CD40: variants seen among roughly 807,000 people sequenced by gnomAD.
The protein encoded by CD40 is CD40 molecule.
CD40 carries 19 observed loss-of-function variants against 38.5 expected under a neutral mutation model. The ratio of observed to expected loss-of-function variants is 0.49; its 90% confidence interval spans 0.34 to 0.72. CD40 has a LOEUF of 0.72. CD40 is among the 30% of genes least tolerant of loss of function. The pLI is 0.01. For missense variants in CD40, 256 were observed against 344.1 expected (o/e 0.74, Z 2.03); for synonymous variants, 130 against 128.7 (o/e 1.01, Z -0.07).
Position 46,122,010 on chromosome 20 carries a change from C to A in CD40, c.130+112C>A. The A allele has an allele frequency of 9.3e-7, 1 of 1,072,294 alleles. No individual in the cohort carries two copies. The highest frequency in any genetic ancestry group is 1.4e-6 in the Non-Finnish European group (1 of 699,848). 66.4% of individuals were successfully genotyped at this position (1,072,294 alleles called of 1,614,324 possible). A position where few individuals can be genotyped will look rare whatever the true frequency, so the allele number is the denominator to read the frequency against. On this transcript the variant is annotated intron_variant, in intron 2 of 8. Coordinates refer to ENST00000372285, the MANE Select transcript of CD40 (RefSeq NM_001250.6). The surrounding 1 kb of genome is among the most constrained non-coding windows in gnomAD (Gnocchi z 5.0). Reference sequence around the variant, plus strand: ...AATCTGAAACGACCCATTTCCCAGCCCTGCTTCACTGTCAGAATGTTCTGG... The same window carrying A: ...AATCTGAAACGACCCATTTCCCAGCACTGCTTCACTGTCAGAATGTTCTGG...
intron 5 of CD40, 144 bp from the exon 6 acceptor site, chr20:46,126,496 C>A: frequency 1.2e-6 from 1 of 838,592 alleles, no homozygotes; most frequent in Non-Finnish European, 2.0e-6. Flanking sequence ...CAGCATAGGA[C>A]GTTGCACGTG....
chr20:46,125,546 CAAAAAAAAAAAAA>C (rs60475326), intron 5 of CD40, among the ~76,000 whole-genome samples: 4 of 69,434 alleles, frequency 5.8e-5, no homozygotes, highest in African/African-American at 2.4e-4. Context: ...GACTCTGTCT[CAAAAAAAAAAAAA>C]AAAAAAAAAA....
intron 8 of CD40, 44 bp from the exon 9 acceptor site, chr20:46,128,838 G>T (rs752892630): frequency 6.2e-7 from 1 of 1,607,274 alleles, no homozygotes; most frequent in Admixed American, 1.7e-5. Context: ...CAGAGGCACA[G>T]CTGCCCCTGC....
In CD40 at chr20:46,128,152, C is replaced by T. The variant is rs2085472660; in HGVS notation, c.574C>T (p.Leu192=). ...TDVVCGPQDR[L]RALVVIPIIF... is the part of the protein sequence containing the mutation. ...GATTTCTCCAGGTCCCCAGGATCGG[C>T]TGAGAGCCCTGGTGGTGATCCCCAT... Residue 192 remains leucine (L), a synonymous_variant, in exon 7 of 9, where the codon CTG becomes TTG. Transcript: ENST00000372285. 6.2e-7 allele frequency: 1 copy of T among 1,613,662 alleles called. No homozygotes were observed. Among genetic ancestry groups the T allele is most frequent in the African/African-American group, 1.3e-5 (1 of 74,806 alleles).
At chr20:46,128,048 G>A (rs1187268249) in intron 6 of CD40, 90 bp from the exon 7 acceptor site, 4 of 1,610,612 alleles carry the variant, frequency 2.5e-6, no homozygotes, top group African/African-American at 1.3e-5. Flanking sequence ...TCTGACATTG[G>A]AAGATTCTGG....
In CD40 at chr20:46,122,879, C is replaced by T. The variant is rs143913014; in HGVS notation, c.403+123C>T. On this transcript the variant is annotated intron_variant, in intron 4 of 8. Transcript: ENST00000372285. This position sits in a 1 kb window ranked among gnomAD's most constrained non-coding sequence, Gnocchi z 5.0. ...AGGAAGCAGAGGCTCCAACCTATGT[C>T]GGTATCCCCACTGGAGTGAGCTGCA... The T allele has an allele frequency of 5.3e-4, 671 of 1,270,268 alleles. 1 individual carries two copies. The highest frequency in any genetic ancestry group is 5.3e-3 in the African/African-American group (358 of 67,784). The allele number at this position is 1,270,268 out of a possible 1,614,324, so 78.7% of individuals were successfully genotyped here.
intron 6 of CD40, 53 bp downstream of exon 6, chr20:46,126,754 G>A (rs1022749778): frequency 2.5e-6 from 4 of 1,613,702 alleles, no homozygotes; most frequent in Non-Finnish European, 3.4e-6. Flanking sequence ...GGGAACTGAA[G>A]GGGGAGATGA....
chr20:46,128,454 T>A, intron 8 of CD40, 96 bp downstream of exon 8: 3 of 1,355,246 alleles, frequency 2.2e-6, no homozygotes, highest in Non-Finnish European at 3.2e-6. Context: ...TCAGAGTCTG[T>A]CTCTGCAGCC....
chr20:46,128,533 C>T (rs1490000948), intron 8 of CD40, 175 bp downstream of exon 8: 2 of 771,244 alleles, frequency 2.6e-6, no homozygotes, highest in Non-Finnish European at 4.5e-6. Flanking sequence ...AGAGCTCAAT[C>T]CCCCACAGAA....
At chr20:46,126,612 G>T in intron 5 of CD40, 28 bp from the exon 6 acceptor site, 2 of 1,613,898 alleles carry the variant, frequency 1.2e-6, no homozygotes, top group Non-Finnish European at 1.7e-6. Flanking sequence ...CTCTGTGTGT[G>T]TGCATTTGTG....
chr20:46,126,057 T>A lies in CD40; in HGVS notation c.498-583T>A, dbSNP rs1375332360. ...TGGAAGAACCTTAAACCAGAGGTTCTCAACAGGGGGCAGTTTTGCTCCCTG... is the reference window on the plus strand; with the variant it reads ...TGGAAGAACCTTAAACCAGAGGTTCACAACAGGGGGCAGTTTTGCTCCCTG... On this transcript the variant is annotated intron_variant, in intron 5 of 8. Coordinates refer to ENST00000372285, the MANE Select transcript of CD40 (RefSeq NM_001250.6). Among the ~76,000 whole-genome samples the A allele has an allele frequency of 2.0e-5, 3 of 152,196 alleles. No homozygotes were observed. In the East Asian group the frequency reaches 5.8e-4, roughly 29 times the overall value.
At chr20:46,128,742 G>A (rs1367962176) in intron 8 of CD40, 140 bp from the exon 9 acceptor site, 5 of 856,916 alleles carry the variant, frequency 5.8e-6, no homozygotes, top group Admixed American at 4.2e-5. Flanking sequence ...GGGGGCAGGA[G>A]GCACCCGAGG....
chr20:46,123,106 C>G lies in CD40; in HGVS notation c.404-20C>G, dbSNP rs2085352356. The G allele has an allele frequency of 1.3e-6, 2 of 1,589,900 alleles. No individual in the cohort carries two copies. The highest frequency in any genetic ancestry group is 1.1e-5 in the South Asian group (1 of 90,644). On this transcript the variant is annotated intron_variant, in intron 4 of 8. Transcript: ENST00000372285. Reference sequence around the variant, plus strand: ...TGGTCCACTGTGATGGTTAATGTCCCCCTCCCCACCCACTCCCAGCTACAG... The same window carrying G: ...TGGTCCACTGTGATGGTTAATGTCCGCCTCCCCACCCACTCCCAGCTACAG...
chr20:46,129,423 T>G lies in CD40; in HGVS notation c.*383T>G. On this transcript the variant is annotated 3_prime_UTR_variant, in exon 9 of 9. Coordinates refer to ENST00000372285, the MANE Select transcript of CD40 (RefSeq NM_001250.6). Reference sequence around the variant, plus strand: ...AGGAAGCCATATACACAGATGCCCATTGCAGCATTGTTTGTGATAGTGAAC... The same window carrying G: ...AGGAAGCCATATACACAGATGCCCAGTGCAGCATTGTTTGTGATAGTGAAC... The G allele has an allele frequency of 3.6e-6, 1 of 275,670 alleles. No homozygotes were observed. 17.1% of individuals were successfully genotyped at this position (275,670 alleles called of 1,614,324 possible).
chr20:46,120,227 A>T (rs1213290349), intron 1 of CD40, among the ~76,000 whole-genome samples: 1 of 152,252 alleles, frequency 6.6e-6, no homozygotes, highest in Non-Finnish European at 1.5e-5. Context: ...TTGCCATTTA[A>T]TGAGCACCTA....
rs1247886850 is a variant in CD40, at chr20:46,128,924, G to A, written c.718G>A (p.Asp240Asn). The A allele has an allele frequency of 5.0e-6, 8 of 1,614,140 alleles. No homozygotes were observed. The Admixed American group carries it at 8.3e-5, about 17-fold the overall frequency. ...KQEPQEINFP[D>N]DLPGSNTAAP... ...GGAACCCCAGGAGATCAATTTTCCC[G>A]ACGATCTTCCTGGCTCCAACACTGC... Residue 240 changes from aspartate to asparagine, a missense_variant, in exon 9 of 9, where the codon GAC (aspartate) becomes AAC (asparagine). Transcript: ENST00000372285.
intron 1 of CD40, among the ~76,000 whole-genome samples, chr20:46,118,678 T>C (rs2085260163): frequency 6.6e-6 from 1 of 151,980 alleles, no homozygotes; most frequent in Non-Finnish European, 1.5e-5. Flanking sequence ...CCTCAGAGGC[T>C]GGCCACACAG....
intron 5 of CD40, among the ~76,000 whole-genome samples, chr20:46,124,158 G>A (rs946013532): frequency 9.2e-5 from 14 of 152,152 alleles, no homozygotes; most frequent in Non-Finnish European, 1.6e-4. Context: ...AAATTAGCTG[G>A]GTGTGGTGGT....
At chr20:46,125,275 GT>G (rs2085410613) in intron 5 of CD40, among the ~76,000 whole-genome samples, 1 of 151,752 alleles carries the variant, frequency 6.6e-6, no homozygotes, top group African/African-American at 2.4e-5. Context: ...GCCGGGCGTG[GT>G]GGCTCACACC....
Sources: gnomAD v4.1 joint callset for allele counts (sites outside exome capture counted in the v4.1 genomes callset) on GRCh38, gnomAD v4.1.1 for gene constraint, Gnocchi (gnomAD v3.1) non-coding constraint, MANE v1.5 for transcripts, NCBI Gene and HGNC (gene_info 2026-07-23, HGNC 2026-07-21) for gene names.